Variants in SNX29 observed in about 807,000 individuals in gnomAD.
SNX29 encodes sorting nexin 29.
SNX29 carries 78 observed loss-of-function variants against 102.1 expected under a neutral mutation model. That is an observed-to-expected ratio of 0.76 (90% CI 0.64 to 0.92). The LOEUF (loss-of-function observed/expected upper bound fraction) is 0.92, where lower values mean the gene tolerates loss of function less well. SNX29 is among the 40% of genes least tolerant of loss of function. SNX29 has a pLI of 0.00. For synonymous variants in SNX29, 580 were observed against 414.5 expected (o/e 1.40, Z -4.85); for missense variants, 1,280 against 1,061.7 (o/e 1.21, Z -2.86).
chr16:12,543,183 C>G (rs200295301), intron 20 of SNX29, among the ~76,000 whole-genome samples: 1 of 152,166 alleles, frequency 6.6e-6, no homozygotes, highest in Admixed American at 6.5e-5. Flanking sequence ...TGTAGAAGTC[C>G]TAGGAAAAAT....
At chr16:12,530,421 C>G (rs2076900152) in intron 20 of SNX29, among the ~76,000 whole-genome samples, 2 of 152,156 alleles carry the variant, frequency 1.3e-5, no homozygotes, top group Admixed American at 1.3e-4. Context: ...AGGAAGTAAA[C>G]AGCACCCACC....
intron 15 of SNX29, among the ~76,000 whole-genome samples, chr16:12,308,106 G>A (rs889086779): frequency 7.9e-5 from 12 of 152,228 alleles, no homozygotes; most frequent in African/African-American, 2.9e-4. Flanking sequence ...TACAGCCTGC[G>A]AGGGCTCACT....
At chr16:12,413,840 TTGTTCTAAATGAGGCGGGA>T (rs1234887908) in intron 18 of SNX29, among the ~76,000 whole-genome samples, 1 of 152,194 alleles carries the variant, frequency 6.6e-6, no homozygotes, top group Non-Finnish European at 1.5e-5. Context: ...GTGGTGTCCA[TTGTTCTAAATGAGGCGGGA>T]TGTAAATTAC....
chr16:11,994,037 C>A (rs1405411932), intron 1 of SNX29, among the ~76,000 whole-genome samples: 1 of 152,208 alleles, frequency 6.6e-6, no homozygotes, highest in Admixed American at 6.5e-5. Context: ...AGGATAATCG[C>A]TTGAACCCAG....
intron 14 of SNX29, among the ~76,000 whole-genome samples, chr16:12,239,389 C>T (rs560226016): frequency 5.9e-5 from 9 of 152,048 alleles, no homozygotes; most frequent in South Asian, 4.2e-4. Context: ...TTTGCTGGGT[C>T]GTATGTAGCC....
intron 13 of SNX29, among the ~76,000 whole-genome samples, chr16:12,148,311 G>A (rs760309940): frequency 8.5e-5 from 13 of 152,286 alleles, no homozygotes; most frequent in Non-Finnish European, 1.5e-4. Flanking sequence ...GCGACCTAGC[G>A]TGGGATAGGC....
At chr16:12,044,052 C>A (rs949724903) in intron 5 of SNX29, among the ~76,000 whole-genome samples, 2 of 152,204 alleles carry the variant, frequency 1.3e-5, no homozygotes, top group African/African-American at 4.8e-5. Flanking sequence ...CTGTGGCTGG[C>A]CATGGCCATT....
chr16:12,184,274 T>G (rs759616579), intron 13 of SNX29, among the ~76,000 whole-genome samples: 4 of 152,188 alleles, frequency 2.6e-5, no homozygotes, highest in Non-Finnish European at 5.9e-5. Flanking sequence ...TATAGCCATT[T>G]CTTCCCAAGT....
Position 12,568,760 on chromosome 16 carries a change from A to G in SNX29, c.*131A>G. ...TGATCCTGAGAGCACACGATTCCCA[A>G]CAGTTACACAACACCCCGATTAAAC... On this transcript the variant is annotated 3_prime_UTR_variant, in exon 21 of 21. Coordinates refer to ENST00000566228, the MANE Select transcript of SNX29 (RefSeq NM_032167.5). The G allele has an allele frequency of 1.5e-6, 2 of 1,339,402 alleles. No individual in the cohort carries two copies. Among genetic ancestry groups the G allele is most frequent in the Non-Finnish European group, 2.0e-6 (2 of 1,000,320 alleles). 83.0% of individuals were successfully genotyped at this position (1,339,402 alleles called of 1,614,324 possible). A position where few individuals can be genotyped will look rare whatever the true frequency, so the allele number is the denominator to read the frequency against.
chr16:12,429,503 C>G (rs1341063822), intron 18 of SNX29, among the ~76,000 whole-genome samples: 1 of 152,184 alleles, frequency 6.6e-6, no homozygotes, highest in Non-Finnish European at 1.5e-5. Context: ...TCACTGAAGC[C>G]TCAAATGCTT....
chr16:12,454,339 C>G (rs1482702397), intron 18 of SNX29, among the ~76,000 whole-genome samples: 1 of 152,220 alleles, frequency 6.6e-6, no homozygotes, highest in East Asian at 1.9e-4. Context: ...TGCCTCCCTG[C>G]AGACTGCTTG....
chr16:12,498,541 T>C (rs2088945359), intron 19 of SNX29, among the ~76,000 whole-genome samples: 8 of 152,158 alleles, frequency 5.3e-5, no homozygotes. Context: ...TGCACATCTT[T>C]CATGAGCACC....
At chr16:12,003,113 A>C in intron 3 of SNX29, 70 bp downstream of exon 3, 1 of 1,590,854 alleles carries the variant, frequency 6.3e-7, no homozygotes, top group Non-Finnish European at 8.6e-7. Context: ...CCGGCTTCTA[A>C]AACCGTTGAC....
At chr16:12,408,678 G>A (rs12598081) in intron 18 of SNX29, among the ~76,000 whole-genome samples, 5,171 of 152,260 alleles carry the variant, frequency 0.034, 173 homozygotes, top group East Asian at 0.19. Context: ...AAAATTAGCT[G>A]GGCATGGTGG....
rs537001486 is a variant in SNX29 at position 12,561,582 on chromosome 16, C to T, written c.2319-6924C>T. ...GCAGTTGAGGCTGTCCGATTAATGTCAGCCGCATGCTGGTGACAGGACACA... is the reference window on the plus strand; with the variant it reads ...GCAGTTGAGGCTGTCCGATTAATGTTAGCCGCATGCTGGTGACAGGACACA... On this transcript the variant is annotated intron_variant, in intron 20 of 20. Transcript: ENST00000566228. Among the ~76,000 whole-genome samples, 4 of 152,284 alleles carry T rather than the reference C, an allele frequency of 2.6e-5. No homozygotes were observed. In the East Asian group the frequency reaches 5.8e-4, roughly 22 times the overall value.
chr16:12,145,706 T>G (rs1024162665), intron 13 of SNX29, among the ~76,000 whole-genome samples: 4 of 152,242 alleles, frequency 2.6e-5, no homozygotes, highest in Non-Finnish European at 2.9e-5. Flanking sequence ...GGGTCTACTT[T>G]GAAAAGTTTT....
At chr16:12,240,585 C>CATTTTTT (rs2078072187) in intron 14 of SNX29, among the ~76,000 whole-genome samples, 1 of 64,788 alleles carries the variant, frequency 1.5e-5, no homozygotes, top group Non-Finnish European at 2.9e-5. Context: ...TTTGTCATTT[C>CATTTTTT]TTTTTTTTTT....
chr16:12,562,500 G>C (rs1258819411), intron 20 of SNX29, among the ~76,000 whole-genome samples: 5 of 152,182 alleles, frequency 3.3e-5, no homozygotes, highest in Admixed American at 3.3e-4. Flanking sequence ...GGAGCATCGT[G>C]AGCAGCCCAA....
intron 15 of SNX29, among the ~76,000 whole-genome samples, chr16:12,305,772 T>A (rs547648345): frequency 4.6e-4 from 70 of 152,168 alleles, no homozygotes; most frequent in Non-Finnish European, 7.8e-4. Flanking sequence ...TAATTATAAT[T>A]CTCTGGGCTT....
Sources: allele counts gnomAD v4.1 joint callset (sites outside exome capture counted in the v4.1 genomes callset), GRCh38; gene constraint gnomAD v4.1.1; transcripts MANE v1.5; gene names NCBI Gene and HGNC (gene_info 2026-07-23, HGNC 2026-07-21).